The following GPC6 variants were observed in gnomAD, a reference collection of about 807,000 sequenced individuals.
GPC6 encodes glypican-6.
Under a neutral mutation model 55.2 loss-of-function variants are expected in GPC6, and 14 were observed. The observed-to-expected ratio is 0.25, with a 90% CI of 0.17 to 0.40. GPC6 has a LOEUF of 0.40. Ranked by LOEUF, GPC6 falls within the 10% of genes least tolerant of loss-of-function variation. The pLI, the probability that GPC6 is intolerant of heterozygous loss-of-function variation, is 1.00. For synonymous variants in GPC6, 278 were observed against 259.6 expected (o/e 1.07, Z -0.68); for missense variants, 641 against 708.5 (o/e 0.90, Z 1.08).
At chr13:93,324,580 A>G (rs1381581493) in intron 1 of GPC6, among the ~76,000 whole-genome samples, 1 of 100,710 alleles carries the variant, frequency 9.9e-6, no homozygotes, top group African/African-American at 4.9e-5. Context: ...ATACACACAC[A>G]TACATACATA....
chr13:93,670,207 C>A (rs985692795), intron 2 of GPC6, among the ~76,000 whole-genome samples: 1 of 152,124 alleles, frequency 6.6e-6, no homozygotes, highest in Non-Finnish European at 1.5e-5. Context: ...GAGTGACACC[C>A]AGTAGAGCCA....
intron 4 of GPC6, among the ~76,000 whole-genome samples, chr13:94,043,111 T>C (rs567229342): frequency 7.9e-5 from 12 of 151,852 alleles, no homozygotes; most frequent in Non-Finnish European, 1.5e-4. Context: ...TTCTCATTTT[T>C]ACCATTACAA....
Position 94,061,271 on chromosome 13 carries a change from T to C in GPC6, c.877+33377T>C, listed in dbSNP as rs534510080. On this transcript the variant is annotated intron_variant, in intron 4 of 8. Transcript: ENST00000377047. ...CCCTTGTTACTCTGTTTATATCCCA[T>C]CTTAGTACTACAAAATCACTGCCCC... 2.6e-5 allele frequency among the ~76,000 whole-genome samples: 4 copies of C among 152,316 alleles called. No homozygotes were observed. The East Asian group carries it at 7.7e-4, about 29-fold the overall frequency.
chr13:93,322,765 T>C (rs952952028), intron 1 of GPC6, among the ~76,000 whole-genome samples: 8 of 151,956 alleles, frequency 5.3e-5, no homozygotes, highest in African/African-American at 1.9e-4. Context: ...GTTGTTCTTG[T>C]TGTTGTTGTT....
chr13:93,510,453 T>A (rs1880912817), intron 1 of GPC6, among the ~76,000 whole-genome samples: 1 of 152,150 alleles, frequency 6.6e-6, no homozygotes, highest in South Asian at 2.1e-4. Context: ...TCACTTAAGT[T>A]AATGACCTTA....
rs555824461 is a variant in GPC6 at position 93,975,082 on chromosome 13, T to C, written c.712-52647T>C. Among the ~76,000 whole-genome samples, 169 of 152,176 alleles carry C rather than the reference T, an allele frequency of 1.1e-3. 1 individual carries two copies. Among genetic ancestry groups the C allele is most frequent in the African/African-American group, 4.0e-3 (167 of 41,534 alleles). On this transcript the variant is annotated intron_variant, in intron 3 of 8. Coordinates refer to ENST00000377047, the MANE Select transcript of GPC6 (RefSeq NM_005708.5). ...CCTGGGAATTGGTAGAAATGAAAACTCTCCTGGACATGTTGAATTGGAATG... is the reference window on the plus strand; with the variant it reads ...CCTGGGAATTGGTAGAAATGAAAACCCTCCTGGACATGTTGAATTGGAATG...
chr13:93,611,947 C>T (rs1878480830), intron 2 of GPC6, among the ~76,000 whole-genome samples: 1 of 152,044 alleles, frequency 6.6e-6, no homozygotes, highest in Non-Finnish European at 1.5e-5. Context: ...AAATTAAACT[C>T]ACAGTCATTG....
At chr13:93,875,161 A>G (rs530906920) in intron 3 of GPC6, among the ~76,000 whole-genome samples, 1 of 152,112 alleles carries the variant, frequency 6.6e-6, no homozygotes, top group East Asian at 2.0e-4. Flanking sequence ...AAGGCCCCTC[A>G]AGTATTCAGA....
At chr13:94,225,586 AC>A (rs925580569) in intron 4 of GPC6, among the ~76,000 whole-genome samples, 28 of 151,950 alleles carry the variant, frequency 1.8e-4, no homozygotes, top group African/African-American at 5.8e-4. Context: ...CATTTTGAAG[AC>A]CCCTTGTATA....
upstream of GPC6, among the ~76,000 whole-genome samples, chr13:93,222,416 A>G (rs1403863200): frequency 2.0e-5 from 3 of 152,206 alleles, no homozygotes; most frequent in Admixed American, 1.3e-4. Flanking sequence ...CCCCTTCCAC[A>G]TACAGTTACC....
intron 3 of GPC6, among the ~76,000 whole-genome samples, chr13:94,010,897 G>A (rs547418202): frequency 1.3e-5 from 2 of 152,122 alleles, no homozygotes; most frequent in South Asian, 4.2e-4. Context: ...TAGGAAAATG[G>A]GATCATGGAT....
intron 2 of GPC6, among the ~76,000 whole-genome samples, chr13:93,564,373 G>A (rs1007671283): frequency 6.6e-6 from 1 of 152,050 alleles, no homozygotes; most frequent in Admixed American, 6.6e-5. Flanking sequence ...TTGATTTGGG[G>A]AATGAAAATA....
chr13:94,070,858 G>A (rs1355142628), intron 4 of GPC6, among the ~76,000 whole-genome samples: 1 of 152,190 alleles, frequency 6.6e-6, no homozygotes, highest in African/African-American at 2.4e-5. Context: ...TCTCAACAAT[G>A]AGTCTATAAC....
At chr13:94,382,323 G>T (rs1395728520) in intron 6 of GPC6, 91 bp from the exon 7 acceptor site, 2 of 1,344,444 alleles carry the variant, frequency 1.5e-6, no homozygotes, top group African/African-American at 1.4e-5. Flanking sequence ...CATATCACAG[G>T]TTCTATAACC....
chr13:93,825,860 CTTT>C (rs1029574657), intron 2 of GPC6, among the ~76,000 whole-genome samples: 1 of 124,188 alleles, frequency 8.1e-6, no homozygotes, highest in Non-Finnish European at 1.7e-5. Context: ...TTATTATTTT[CTTT>C]TTTTTTTTTT....
intron 3 of GPC6, among the ~76,000 whole-genome samples, chr13:94,007,058 C>G (rs1423253089): frequency 1.3e-5 from 2 of 152,180 alleles, no homozygotes; most frequent in Non-Finnish European, 2.9e-5. Context: ...ATTTTTAAAG[C>G]AATAGACCTC....
intron 2 of GPC6, among the ~76,000 whole-genome samples, chr13:93,618,901 G>A (rs1049303273): frequency 6.6e-6 from 1 of 152,100 alleles, no homozygotes; most frequent in African/African-American, 2.4e-5. Context: ...ACATCGTTGA[G>A]TATACATCTA....
intron 1 of GPC6, among the ~76,000 whole-genome samples, chr13:93,492,629 G>A (rs1344537016): frequency 1.3e-5 from 2 of 150,320 alleles, no homozygotes. Flanking sequence ...TCTAGTTTTT[G>A]CCCATTCGGT....
In GPC6 at chr13:94,211,747, G is replaced by T. The variant is rs1433289360; in HGVS notation, c.878-74602G>T. Reference sequence around the variant, plus strand: ...TTAAGCTTTGGCTTAAAGACCACAAGCTCAGAATCGGTCATTCTCATGGCC... The same window carrying T: ...TTAAGCTTTGGCTTAAAGACCACAATCTCAGAATCGGTCATTCTCATGGCC... On this transcript the variant is annotated intron_variant, in intron 4 of 8. Transcript: ENST00000377047. Among the ~76,000 whole-genome samples, 3 of 152,186 alleles carry T rather than the reference G, an allele frequency of 2.0e-5. No individual in the cohort carries two copies. The East Asian group carries it at 5.8e-4, about 29-fold the overall frequency.
Sources: gnomAD v4.1 joint callset for allele counts (sites outside exome capture counted in the v4.1 genomes callset) on GRCh38, gnomAD v4.1.1 for gene constraint, MANE v1.5 for transcripts, NCBI Gene and HGNC (gene_info 2026-07-23, HGNC 2026-07-21) for gene names.